Variants in SLC10A2 observed in about 807,000 individuals in gnomAD.
SLC10A2 encodes the protein solute carrier family 10 member 2.
A neutral mutation model predicts 27.1 loss-of-function variants in SLC10A2; 34 were observed. The observed-to-expected ratio is 1.26, with a 90% CI of 0.96 to 1.67. The LOEUF (loss-of-function observed/expected upper bound fraction) is 1.67, where lower values mean the gene tolerates loss of function less well. SLC10A2 is among the 40% of genes most tolerant of loss of function. SLC10A2 has a pLI of 0.00. For synonymous variants in SLC10A2, 205 were observed against 174.0 expected (o/e 1.18, Z -1.40); for missense variants, 530 against 444.4 (o/e 1.19, Z -1.73).
chr13:103,063,320 C>T (rs1876181624), intron 1 of SLC10A2, among the ~76,000 whole-genome samples: 2 of 152,206 alleles, frequency 1.3e-5, no homozygotes, highest in Admixed American at 1.3e-4. Flanking sequence ...TCCCAAGAAC[C>T]ATAACCAAGA....
In SLC10A2 at chr13:103,044,349, A is replaced by G. The variant is rs199969297; in HGVS notation, c.*1784T>C. 1.3e-5 allele frequency: 2 copies of G among 151,932 alleles called. No homozygotes were observed. The highest frequency in any genetic ancestry group is 2.4e-5 in the African/African-American group (1 of 41,358). The allele number at this position is 151,932 out of a possible 1,614,324, so 9.4% of individuals were successfully genotyped here. ...CAGGGTCCCTTTAGTGTACCTGTCT[A>G]TTTTCTGATTGATGGGAAATGTGTA... On this transcript the variant is annotated 3_prime_UTR_variant, in exon 6 of 6. Transcript: ENST00000245312.
chr13:103,050,904 C>A (rs945232629), intron 4 of SLC10A2, among the ~76,000 whole-genome samples: 1 of 152,090 alleles, frequency 6.6e-6, no homozygotes, highest in Non-Finnish European at 1.5e-5. Flanking sequence ...AGGGTCATTG[C>A]AGATATAATT....
intron 1 of SLC10A2, among the ~76,000 whole-genome samples, chr13:103,064,243 G>T (rs987194689): frequency 6.6e-6 from 1 of 151,180 alleles, no homozygotes; most frequent in South Asian, 2.1e-4. Context: ...TCTACTTTTA[G>T]TTCTTATTAA....
Position 103,052,819 on chromosome 13 carries a change from C to A in SLC10A2, c.497-111G>T, listed in dbSNP as rs1283786861. ...ATTAGGTGGTATTTCAGTCTTCCTTCTTGAATACACAAAACAGAATACAGA... is the reference window on the plus strand; with the variant it reads ...ATTAGGTGGTATTTCAGTCTTCCTTATTGAATACACAAAACAGAATACAGA... On this transcript the variant is annotated intron_variant, in intron 2 of 5. Coordinates refer to ENST00000245312, the MANE Select transcript of SLC10A2 (RefSeq NM_000452.3). 6.9e-6 allele frequency: 5 copies of A among 727,732 alleles called. No homozygotes were observed. In the East Asian group the frequency reaches 1.1e-4, roughly 15 times the overall value. 45.1% of individuals were successfully genotyped at this position (727,732 alleles called of 1,614,324 possible). A position where few individuals can be genotyped will look rare whatever the true frequency, so the allele number is the denominator to read the frequency against.
chr13:103,046,926 C>G (rs2138909700), intron 5 of SLC10A2, among the ~76,000 whole-genome samples: 1 of 152,296 alleles, frequency 6.6e-6, no homozygotes, highest in South Asian at 2.1e-4. Flanking sequence ...AGGGTGGTTT[C>G]AACAAGCCCA....
At chr13:103,063,313 C>T (rs752430758) in intron 1 of SLC10A2, among the ~76,000 whole-genome samples, 5 of 152,054 alleles carry the variant, frequency 3.3e-5, no homozygotes, top group Non-Finnish European at 7.4e-5. Context: ...TTTCTTCTCC[C>T]AAGAACCATA....
chr13:103,052,068 A>C (rs569687494), intron 3 of SLC10A2, among the ~76,000 whole-genome samples: 7 of 152,262 alleles, frequency 4.6e-5, no homozygotes, highest in Non-Finnish European at 1.0e-4. Flanking sequence ...TATTATCTAC[A>C]TACATATCCA....
intron 2 of SLC10A2, among the ~76,000 whole-genome samples, chr13:103,056,692 A>G (rs1166475087): frequency 6.6e-6 from 1 of 152,036 alleles, no homozygotes; most frequent in East Asian, 1.9e-4. Flanking sequence ...CAGAGAGTCA[A>G]GCAGCATGAA....
intron 1 of SLC10A2, among the ~76,000 whole-genome samples, chr13:103,062,254 G>C (rs928498741): frequency 3.3e-5 from 5 of 152,236 alleles, no homozygotes; most frequent in African/African-American, 1.2e-4. Flanking sequence ...GATAGAAGCA[G>C]TGTAGAGAAA....
chr13:103,052,440 C>T lies in SLC10A2; in HGVS notation c.585+180G>A, dbSNP rs1030012622. On this transcript the variant is annotated intron_variant, in intron 3 of 5. Coordinates refer to ENST00000245312, the MANE Select transcript of SLC10A2 (RefSeq NM_000452.3). Reference sequence around the variant, plus strand: ...CATTAGCAACATAGTGAGATCCCACCTCTCTCTCTACACACATATAAAGAA... The same window carrying T: ...CATTAGCAACATAGTGAGATCCCACTTCTCTCTCTACACACATATAAAGAA... Among the ~76,000 whole-genome samples the T allele has an allele frequency of 1.2e-3, 3 of 2,510 alleles. No individual in the cohort carries two copies. The South Asian group carries it at 0.025, about 21-fold the overall frequency. The allele number at this position is 2,510 out of a possible 152,430, so 1.6% of individuals were successfully genotyped here.
chr13:103,058,204 CA>C (rs934944193), intron 2 of SLC10A2, 59 bp downstream of exon 2: 3 of 991,324 alleles, frequency 3.0e-6, no homozygotes, highest in Non-Finnish European at 4.9e-6. Context: ...GAGAGCCTAG[CA>C]GGGGGTAAGC....
Position 103,046,378 on chromosome 13 carries a change from G to A in SLC10A2, c.920-118C>T, listed in dbSNP as rs565984345. On this transcript the variant is annotated intron_variant, in intron 5 of 5. Transcript: ENST00000245312. ...CAGATCACATTTTCTGTAGACTGGA[G>A]GCTGCTTAGAGAAAGAAATCACCAT... The A allele has an allele frequency of 1.6e-4, 139 of 845,586 alleles. No individual in the cohort carries two copies. The African/African-American group carries it at 2.3e-3, about 14-fold the overall frequency. 52.4% of individuals were successfully genotyped at this position (845,586 alleles called of 1,614,324 possible). A position where few individuals can be genotyped will look rare whatever the true frequency, so the allele number is the denominator to read the frequency against.
intron 2 of SLC10A2, among the ~76,000 whole-genome samples, chr13:103,055,877 A>G (rs1875922391): frequency 6.6e-6 from 1 of 152,236 alleles, no homozygotes; most frequent in Admixed American, 6.5e-5. Flanking sequence ...TCACAGGTAC[A>G]TTCCAGCTTG....
At chr13:103,051,179 T>C in intron 4 of SLC10A2, 78 bp downstream of exon 4, 2 of 1,454,490 alleles carry the variant, frequency 1.4e-6, no homozygotes, top group South Asian at 1.1e-5. Context: ...TGTGGTTCTG[T>C]CTTATGGCAC....
chr13:103,047,115 C>T (rs1426156874), intron 5 of SLC10A2, among the ~76,000 whole-genome samples: 2 of 152,060 alleles, frequency 1.3e-5, no homozygotes, highest in African/African-American at 4.8e-5. Flanking sequence ...TATAAAATGG[C>T]CATAATAATA....
chr13:103,058,282 T>C lies in SLC10A2; in HGVS notation c.478A>G (p.Ile160Val). 1.3e-6 allele frequency: 2 copies of C among 1,599,668 alleles called. No homozygotes were observed. Among genetic ancestry groups the C allele is most frequent in the Non-Finnish European group, 1.7e-6 (2 of 1,166,944 alleles). ...GACTTACCTATGTTATCATAGGGAATTACGATGCTCCCAGAGTCGACCCAC... is the reference window on the plus strand; with the variant it reads ...GACTTACCTATGTTATCATAGGGAACTACGATGCTCCCAGAGTCGACCCAC... ...KMWVDSGSIV[I>V]PYDNIGTSLV... is the part of the protein sequence containing the mutation. Residue 160 changes from isoleucine (I) to valine (V), a missense_variant, in exon 2 of 6, where the codon ATT (isoleucine) becomes GTT (valine). Ile to Val is a conservative substitution (Grantham distance 29, BLOSUM62 3). Coordinates refer to ENST00000245312, the MANE Select transcript of SLC10A2 (RefSeq NM_000452.3).
At chr13:103,058,649 C>T (rs956468101) in intron 1 of SLC10A2, among the ~76,000 whole-genome samples, 4 of 152,124 alleles carry the variant, frequency 2.6e-5, no homozygotes, top group Admixed American at 2.6e-4. Flanking sequence ...CTGTGTTCCC[C>T]TCTATGTGTC....
intron 2 of SLC10A2, among the ~76,000 whole-genome samples, chr13:103,057,361 C>T (rs940153917): frequency 6.6e-6 from 1 of 152,116 alleles, no homozygotes; most frequent in Non-Finnish European, 1.5e-5. Flanking sequence ...TAATTTGTTT[C>T]CCCAGAAACA....
chr13:103,056,875 T>TAGGAGAGAG (rs2138919630), intron 2 of SLC10A2, among the ~76,000 whole-genome samples: 1 of 151,726 alleles, frequency 6.6e-6, no homozygotes, highest in East Asian at 1.9e-4. Context: ...ATGGTAAGAG[T>TAGGAGAGAG]AGGAGAGAGA....
Sources: gnomAD v4.1 joint callset for allele counts (sites outside exome capture counted in the v4.1 genomes callset) on GRCh38, gnomAD v4.1.1 for gene constraint, MANE v1.5 for transcripts, NCBI Gene and HGNC (gene_info 2026-07-23, HGNC 2026-07-21) for gene names.